TXLNB: variants seen among roughly 807,000 people sequenced by gnomAD.
TXLNB encodes beta-taxilin.
TXLNB carries 37 observed loss-of-function variants against 57.4 expected under a neutral mutation model. The ratio of observed to expected loss-of-function variants is 0.64; its 90% CI spans 0.50 to 0.85. The LOEUF is 0.85. TXLNB is among the 40% of genes least tolerant of loss of function. The probability of loss-of-function intolerance (pLI) is 0.00; values close to 1 mark genes in which losing one functional copy is unlikely to be tolerated. For synonymous variants in TXLNB, 302 were observed against 309.6 expected, an observed-to-expected ratio of 0.98 and a Z score of 0.26; for missense variants, 848 against 825.6, an observed-to-expected ratio of 1.03 and a Z score of -0.33.
In TXLNB at chr6:139,274,502, G is replaced by T. The variant is rs141440222; in HGVS notation, c.516+2328C>A. Among the ~76,000 whole-genome samples, 3 of 152,294 alleles carry T rather than the reference G, an allele frequency of 2.0e-5. No homozygotes were observed. In the East Asian group the frequency reaches 5.8e-4, roughly 29 times the overall value. On this transcript the variant is annotated intron_variant, in intron 3 of 9. Coordinates refer to ENST00000358430, the MANE Select transcript of TXLNB (RefSeq NM_153235.4). The stretch of plus-strand genomic sequence containing the variant: ...CTAAGGTGATCTCTCAGGTTCGAAA[G>T]TTTTTTACGAGAGATGATACAAATG...
At chr6:139,311,957 A>G in the TXLNB span, among the ~76,000 whole-genome samples, 1 of 152,160 alleles carries the variant, frequency 6.6e-6, no homozygotes, top group African/African-American at 2.4e-5. Flanking sequence ...CTCTCTCCTT[A>G]TAAAGGCACT....
chr6:139,298,026 A>G, the TXLNB span, among the ~76,000 whole-genome samples: 3 of 152,174 alleles, frequency 2.0e-5, no homozygotes. Flanking sequence ...CAAATACAAA[A>G]CCAAACAGCA....
intron 7 of TXLNB, among the ~76,000 whole-genome samples, chr6:139,254,100 T>C (rs1776276142): frequency 6.6e-6 from 1 of 152,238 alleles, no homozygotes; most frequent in South Asian, 2.1e-4. Context: ...TTCTAACTTC[T>C]ATGTATCTAG....
the TXLNB span, among the ~76,000 whole-genome samples, chr6:139,171,857 G>T: frequency 4.6e-5 from 7 of 151,452 alleles, no homozygotes; most frequent in Non-Finnish European, 7.4e-5. Context: ...TTGTGACGGG[G>T]TTTCACTTTT....
At chr6:139,181,406 C>T in the TXLNB span, among the ~76,000 whole-genome samples, 5 of 152,208 alleles carry the variant, frequency 3.3e-5, no homozygotes, top group Admixed American at 6.5e-5. Context: ...AAGTCCTGTG[C>T]CATCCTGTTG....
At chr6:139,171,115 G>A in the TXLNB span, among the ~76,000 whole-genome samples, 1 of 152,138 alleles carries the variant, frequency 6.6e-6, no homozygotes, top group African/African-American at 2.4e-5. Context: ...GGACTTTTGT[G>A]TGGAGATGTC....
At chr6:139,303,816 C>A in the TXLNB span, among the ~76,000 whole-genome samples, 1 of 148,920 alleles carries the variant, frequency 6.7e-6, no homozygotes, top group Non-Finnish European at 1.5e-5. Context: ...AATCTAGGAA[C>A]AATGTCAATC....
chr6:139,261,926 C>T (rs1027000665), intron 5 of TXLNB, among the ~76,000 whole-genome samples: 4 of 112,148 alleles, frequency 3.6e-5, no homozygotes, highest in African/African-American at 1.6e-4. Flanking sequence ...TTTTTTGAGA[C>T]GGAGTCTCAC....
At chr6:139,174,663 A>G in the TXLNB span, 1 of 1,398,882 alleles carries the variant, frequency 7.1e-7, no homozygotes, top group South Asian at 1.4e-5. Context: ...CTGAGTTACT[A>G]CTTGTAATGT....
the TXLNB span, among the ~76,000 whole-genome samples, chr6:139,221,260 C>T: frequency 6.6e-6 from 1 of 152,044 alleles, no homozygotes; most frequent in African/African-American, 2.4e-5. Context: ...GGTTTAGGGC[C>T]CTGGCAAACA....
the TXLNB span, among the ~76,000 whole-genome samples, chr6:139,176,213 G>A: frequency 6.6e-6 from 1 of 152,158 alleles, no homozygotes; most frequent in East Asian, 1.9e-4. This position sits in a 1 kb window ranked among gnomAD's most constrained non-coding sequence, Gnocchi z 4.5. Context: ...TCTAACCATG[G>A]TCTTTGGCAT....
chr6:139,230,766 A>T, the TXLNB span, among the ~76,000 whole-genome samples: 1 of 152,358 alleles, frequency 6.6e-6, no homozygotes, highest in African/African-American at 2.4e-5. Flanking sequence ...TTTGTTCAGA[A>T]GCCAAAAAAA....
At chr6:139,276,253 A>G (rs991090827) in intron 3 of TXLNB, among the ~76,000 whole-genome samples, 4 of 152,248 alleles carry the variant, frequency 2.6e-5, no homozygotes, top group Admixed American at 6.5e-5. Context: ...AAAGTTTCCC[A>G]AACTATGTCA....
At chr6:139,305,037 C>T in the TXLNB span, among the ~76,000 whole-genome samples, 1 of 152,154 alleles carries the variant, frequency 6.6e-6, no homozygotes, top group South Asian at 2.1e-4. Flanking sequence ...TTTTGATAGC[C>T]TGTAATATGA....
Position 139,255,653 on chromosome 6 carries a change from A to G in TXLNB, c.1003-15T>C. ...TGGTTCAGCAACTATGAGAAGAGAG[A>G]GTGTGTGGAAAGATGGTCAGATTTG... On this transcript the variant is annotated splice_polypyrimidine_tract_variant and intron_variant, in intron 6 of 9. Coordinates refer to ENST00000358430, the MANE Select transcript of TXLNB (RefSeq NM_153235.4). 5.6e-6 allele frequency: 9 copies of G among 1,608,900 alleles called. No homozygotes were observed. Among genetic ancestry groups the G allele is most frequent in the Non-Finnish European group, 7.7e-6 (9 of 1,176,128 alleles).
intron 2 of TXLNB, among the ~76,000 whole-genome samples, chr6:139,277,630 G>A (rs1022215256): frequency 3.3e-5 from 5 of 152,078 alleles, no homozygotes; most frequent in Non-Finnish European, 7.4e-5. Context: ...CTGTGATAAT[G>A]GACACAGCCT....
At chr6:139,216,123 G>A in the TXLNB span, among the ~76,000 whole-genome samples, 1 of 151,956 alleles carries the variant, frequency 6.6e-6, no homozygotes, top group Non-Finnish European at 1.5e-5. Context: ...CTCATTACTG[G>A]GTATATACCC....
chr6:139,174,321 C>A, the TXLNB span: 1 of 1,513,200 alleles, frequency 6.6e-7, no homozygotes, highest in East Asian at 2.3e-5. Context: ...ACATTTTTAT[C>A]TCCTTGGAGA....
chr6:139,166,462 C>A, the TXLNB span: 4 of 1,614,166 alleles, frequency 2.5e-6, no homozygotes, highest in Non-Finnish European at 3.4e-6. Flanking sequence ...GCATCGGCCG[C>A]GCGCGCAGCT....
Sources: allele counts gnomAD v4.1 joint callset (sites outside exome capture counted in the v4.1 genomes callset), GRCh38; gene constraint gnomAD v4.1.1; non-coding constraint Gnocchi (gnomAD v3.1); transcripts MANE v1.5; gene names NCBI Gene and HGNC (gene_info 2026-07-23, HGNC 2026-07-21).